RGS7: variants seen among roughly 807,000 people sequenced by gnomAD.
RGS7 encodes the protein regulator of G protein signaling 7, also known as regulator of G-protein signaling 7.
Under a neutral mutation model 81.1 loss-of-function variants are expected in RGS7, and 27 were observed. That is an observed-to-expected ratio of 0.33 (90% CI 0.25 to 0.46). The LOEUF (loss-of-function observed/expected upper bound fraction) is 0.46. RGS7 is among the 20% of genes least tolerant of loss of function. The pLI is 1.00. For synonymous variants in RGS7, 208 were observed against 207.7 expected, an observed-to-expected ratio of 1.00 and a Z score of -0.01; for missense variants, 396 against 607.4, an observed-to-expected ratio of 0.65 and a Z score of 3.66.
chr1:241,329,610 C>T (rs2081841259), intron 2 of RGS7, among the ~76,000 whole-genome samples: 1 of 152,184 alleles, frequency 6.6e-6, no homozygotes, highest in African/African-American at 2.4e-5. Context: ...ACCATACGTT[C>T]CCTTTAATGT....
intron 2 of RGS7, among the ~76,000 whole-genome samples, chr1:241,308,199 G>A (rs1174299650): frequency 6.6e-6 from 1 of 152,124 alleles, no homozygotes; most frequent in Non-Finnish European, 1.5e-5. Flanking sequence ...TCTTTAGCCT[G>A]CAGGCCAGGG....
rs142763363 is a variant in RGS7, at chr1:241,352,994, G to A, written c.78+2705C>T. Reference sequence around the variant, plus strand: ...GTGTCATGAGGAGGGAAAACACCACGAATATTCCCAGTTCAGAACACACTT... The same window carrying A: ...GTGTCATGAGGAGGGAAAACACCACAAATATTCCCAGTTCAGAACACACTT... On this transcript the variant is annotated intron_variant, in intron 2 of 18. Transcript: ENST00000440928. Among the ~76,000 whole-genome samples the A allele has an allele frequency of 7.8e-3, 1,187 of 152,276 alleles. 20 individuals carry two copies. Among genetic ancestry groups the A allele is most frequent in the African/African-American group, 0.027 (1,135 of 41,542 alleles).
rs2067145275 is a variant in RGS7, at chr1:241,132,184, C to G, written c.79-33422G>C. 1.9e-5 allele frequency: 3 copies of G among 154,412 alleles called. No homozygotes were observed. The South Asian group carries it at 6.1e-4, about 32-fold the overall frequency. The allele number at this position is 154,412 out of a possible 1,614,324, so 9.6% of individuals were successfully genotyped here. The stretch of plus-strand genomic sequence containing the variant: ...CTATTTTGTGTTTAAGTGGCATACA[C>G]AGAGATCATTAAAATGTAAAAGAAC... On this transcript the variant is annotated intron_variant, in intron 2 of 18. Transcript: ENST00000440928.
chr1:240,935,089 A>G, intron 5 of RGS7, among the ~76,000 whole-genome samples: 1 of 150,534 alleles, frequency 6.6e-6, no homozygotes. Flanking sequence ...AGTAGAGATG[A>G]GGTTTCACCA....
At chr1:240,797,867 T>C (rs1687332162) in intron 18 of RGS7, among the ~76,000 whole-genome samples, 2 of 151,592 alleles carry the variant, frequency 1.3e-5, no homozygotes, top group Non-Finnish European at 2.9e-5. Context: ...AATAAAAGAG[T>C]AAACAAGACA....
chr1:240,877,129 C>T (rs1045329444), intron 6 of RGS7, among the ~76,000 whole-genome samples: 1 of 151,854 alleles, frequency 6.6e-6, no homozygotes, highest in Non-Finnish European at 1.5e-5. Context: ...CAACAAGATA[C>T]TAGATCATCA....
intron 9 of RGS7, among the ~76,000 whole-genome samples, chr1:240,847,161 T>C (rs1328910790): frequency 2.0e-5 from 3 of 152,228 alleles, no homozygotes; most frequent in Admixed American, 2.0e-4. Flanking sequence ...TACCAGTTCA[T>C]AGCTATCTGC....
At chr1:241,284,382 G>A (rs1447996182) in intron 2 of RGS7, among the ~76,000 whole-genome samples, 4 of 152,016 alleles carry the variant, frequency 2.6e-5, no homozygotes, top group African/African-American at 9.7e-5. Flanking sequence ...CCACCTAGGG[G>A]TGGGGGGAGT....
At chr1:241,259,990 A>T (rs1473054879) in intron 2 of RGS7, among the ~76,000 whole-genome samples, 3 of 152,142 alleles carry the variant, frequency 2.0e-5, no homozygotes, top group Non-Finnish European at 4.4e-5. Flanking sequence ...AATCGTCAAG[A>T]CCAGAATGAA....
chr1:241,070,288 A>G (rs2062356585), intron 3 of RGS7, among the ~76,000 whole-genome samples: 1 of 151,286 alleles, frequency 6.6e-6, no homozygotes, highest in African/African-American at 2.4e-5. Flanking sequence ...GGTAACCCAA[A>G]TAACTTGTGG....
rs981188838 is a variant in RGS7, at chr1:241,082,974, C to T, written c.175+15692G>A. Among the ~76,000 whole-genome samples the T allele has an allele frequency of 4.6e-5, 7 of 152,040 alleles. No individual in the cohort carries two copies. The South Asian group carries it at 1.4e-3, about 31-fold the overall frequency. ...GTGCAGTGGCTCATGCCTGTAATCC[C>T]AGCACTTTGGGAGGCCAAGGCACAC... On this transcript the variant is annotated intron_variant, in intron 3 of 18. Transcript: ENST00000440928.
chr1:241,168,163 C>T (rs892062103), intron 2 of RGS7, among the ~76,000 whole-genome samples: 2 of 152,092 alleles, frequency 1.3e-5, no homozygotes, highest in Middle Eastern at 3.2e-3. Flanking sequence ...TGTTACAATA[C>T]TTTTAACTCT....
At chr1:241,030,711 G>T (rs2060044935) in intron 3 of RGS7, among the ~76,000 whole-genome samples, 1 of 151,968 alleles carries the variant, frequency 6.6e-6, no homozygotes, top group East Asian at 1.9e-4. Context: ...CTGCAATCTG[G>T]GAACCAGTGG....
At chr1:240,897,960 G>C (rs1456329297) in intron 6 of RGS7, among the ~76,000 whole-genome samples, 1 of 152,072 alleles carries the variant, frequency 6.6e-6, no homozygotes, top group Non-Finnish European at 1.5e-5. Flanking sequence ...CAATTTCAAA[G>C]CCTGTTATTG....
At position 240,813,809 on chromosome 1, in the gene RGS7, A is replaced by C. The variant is rs187386920; in HGVS notation, c.846-81T>G. ...GTCCAAAGCAGGGAAAACAATATAA[A>C]AATGTGGGACCAAGGAATCCTTGTT... On this transcript the variant is annotated intron_variant, in intron 12 of 18. Coordinates refer to ENST00000440928, the MANE Select transcript of RGS7 (RefSeq NM_001364886.1). The C allele has an allele frequency of 1.5e-5, 13 of 872,404 alleles. No homozygotes were observed. The Admixed American group carries it at 1.7e-4, about 12-fold the overall frequency. The allele number at this position is 872,404 out of a possible 1,614,324, so 54.0% of individuals were successfully genotyped here. A position where few individuals can be genotyped will look rare whatever the true frequency, so the allele number is the denominator to read the frequency against.
intron 4 of RGS7, among the ~76,000 whole-genome samples, chr1:240,976,404 G>A (rs1021992955): frequency 9.9e-5 from 15 of 152,188 alleles, no homozygotes; most frequent in East Asian, 3.8e-4. Context: ...AACTTTATAC[G>A]TCAACCTGGC....
At chr1:241,160,346 T>G (rs957169914) in intron 2 of RGS7, among the ~76,000 whole-genome samples, 13 of 152,178 alleles carry the variant, frequency 8.5e-5, no homozygotes, top group Admixed American at 6.5e-4. Flanking sequence ...TCATGTCAGA[T>G]GTTGAATAAT....
At chr1:240,989,392 C>CG (rs1372322910) in intron 3 of RGS7, among the ~76,000 whole-genome samples, 1 of 151,470 alleles carries the variant, frequency 6.6e-6, no homozygotes, top group African/African-American at 2.4e-5. Context: ...ACTGAGATGG[C>CG]GCCACTGCAC....
At chr1:241,082,117 A>G (rs1157400342) in intron 3 of RGS7, among the ~76,000 whole-genome samples, 2 of 152,246 alleles carry the variant, frequency 1.3e-5, no homozygotes, top group East Asian at 3.8e-4. Context: ...AAGTTTGGGA[A>G]TAAGTCGATA....
Sources: allele counts gnomAD v4.1 joint callset (sites outside exome capture counted in the v4.1 genomes callset), GRCh38; gene constraint gnomAD v4.1.1; transcripts MANE v1.5; gene names NCBI Gene and HGNC (gene_info 2026-07-23, HGNC 2026-07-21).